Variants in CNTN1 observed in about 807,000 individuals in gnomAD.
The protein encoded by CNTN1 is contactin 1.
CNTN1 carries 38 observed loss-of-function variants against 126.4 expected under a neutral mutation model. That is an observed-to-expected ratio of 0.30 (90% CI 0.23 to 0.39). CNTN1 has a LOEUF of 0.39. Ranked by LOEUF, CNTN1 falls within the 10% of genes least tolerant of loss-of-function variation. The pLI is 1.00. For missense variants in CNTN1, 1,009 were observed against 1,248.4 expected (o/e 0.81, Z 2.89); for synonymous variants, 413 against 422.6 (o/e 0.98, Z 0.28).
At chr12:40,985,979 G>T (rs1232614147) in intron 16 of CNTN1, among the ~76,000 whole-genome samples, 4 of 151,990 alleles carry the variant, frequency 2.6e-5, no homozygotes, top group African/African-American at 9.7e-5. Context: ...GTTGGATTCG[G>T]TCTGTGAATA....
chr12:40,865,407 G>T (rs74076690), intron 1 of CNTN1, among the ~76,000 whole-genome samples: 9 of 151,968 alleles, frequency 5.9e-5, no homozygotes, highest in Admixed American at 3.3e-4. Flanking sequence ...TCCTATGTAA[G>T]AAATTTTGGC....
intron 1 of CNTN1, among the ~76,000 whole-genome samples, chr12:40,725,401 C>CAAAAAA (rs34242859): frequency 4.4e-5 from 2 of 45,324 alleles, no homozygotes; most frequent in African/African-American, 9.1e-5. Context: ...AACTCTGTCT[C>CAAAAAA]AAAAAAAAAA....
At chr12:40,883,444 T>C (rs747187982) in intron 1 of CNTN1, among the ~76,000 whole-genome samples, 53 of 151,596 alleles carry the variant, frequency 3.5e-4, no homozygotes, top group Non-Finnish European at 7.1e-4. Flanking sequence ...ACAAGAAAAT[T>C]CTAGTGATTT....
rs552022934 is a variant in CNTN1 at position 40,780,222 on chromosome 12, G to T, written c.-77+87630G>T. 3.9e-5 allele frequency among the ~76,000 whole-genome samples: 6 copies of T among 152,028 alleles called. No individual in the cohort carries two copies. In the East Asian group the frequency reaches 9.7e-4, roughly 25 times the overall value. On this transcript the variant is annotated intron_variant, in intron 1 of 23. Coordinates refer to ENST00000551295, the MANE Select transcript of CNTN1 (RefSeq NM_001843.4). Reference sequence around the variant, plus strand: ...AGAAGTTGCTACAATTGTACAGGATGATCATGGGAAGCTATGTATCTCAGT... The same window carrying T: ...AGAAGTTGCTACAATTGTACAGGATTATCATGGGAAGCTATGTATCTCAGT...
intron 1 of CNTN1, among the ~76,000 whole-genome samples, chr12:40,852,280 A>T (rs928828382): frequency 3.3e-5 from 5 of 152,196 alleles, no homozygotes; most frequent in African/African-American, 1.2e-4. Flanking sequence ...ATAGTTACTC[A>T]GCCATACTTA....
chr12:40,882,262 T>C (rs1943893710), intron 1 of CNTN1, among the ~76,000 whole-genome samples: 1 of 151,802 alleles, frequency 6.6e-6, no homozygotes, highest in Non-Finnish European at 1.5e-5. Context: ...ACAAGCATTT[T>C]GGAATACTTT....
At chr12:40,735,046 GTTGGATAACTA>G (rs1041755697) in intron 1 of CNTN1, among the ~76,000 whole-genome samples, 2 of 152,102 alleles carry the variant, frequency 1.3e-5, no homozygotes, top group African/African-American at 4.8e-5. Flanking sequence ...GCAAAGAAGG[GTTGGATAACTA>G]TTGTGGGTTG....
chr12:41,003,869 AT>A (rs1948425419), intron 17 of CNTN1, among the ~76,000 whole-genome samples: 1 of 151,526 alleles, frequency 6.6e-6, no homozygotes, highest in Non-Finnish European at 1.5e-5. Flanking sequence ...TTAGCAGTCT[AT>A]TTTATTTTTT....
intron 14 of CNTN1, among the ~76,000 whole-genome samples, chr12:40,945,237 T>C (rs891583311): frequency 2.2e-4 from 33 of 152,202 alleles, no homozygotes; most frequent in African/African-American, 7.5e-4. Context: ...TTATATACCA[T>C]GTAATATATT....
chr12:40,733,272 A>T (rs1005537323), intron 1 of CNTN1, among the ~76,000 whole-genome samples: 1 of 151,678 alleles, frequency 6.6e-6, no homozygotes, highest in Non-Finnish European at 1.5e-5. Flanking sequence ...ATAAGGCTAT[A>T]TTTTTTTTGC....
chr12:40,866,355 GA>G (rs2136657545), intron 1 of CNTN1, among the ~76,000 whole-genome samples: 1 of 152,174 alleles, frequency 6.6e-6, no homozygotes, highest in South Asian at 2.1e-4. Context: ...ATGTTCAGTA[GA>G]AGTGGTGAAA....
chr12:40,995,062 T>A (rs1410836467), intron 17 of CNTN1, among the ~76,000 whole-genome samples: 1 of 152,124 alleles, frequency 6.6e-6, no homozygotes, highest in Non-Finnish European at 1.5e-5. Flanking sequence ...GAGGATTAAA[T>A]GAAATGGATG....
chr12:41,023,619 A>G (rs1948974448), intron 20 of CNTN1, among the ~76,000 whole-genome samples: 3 of 152,242 alleles, frequency 2.0e-5, no homozygotes, highest in Admixed American at 6.5e-5. Flanking sequence ...AGGAATAATG[A>G]ATGCAAAAAC....
At chr12:41,056,011 G>A (rs1007980466) in intron 23 of CNTN1, among the ~76,000 whole-genome samples, 3 of 152,026 alleles carry the variant, frequency 2.0e-5, no homozygotes, top group Non-Finnish European at 4.4e-5. Context: ...GGATTAAGTG[G>A]TACCCTAAAT....
chr12:40,831,269 T>G (rs1425016402), intron 1 of CNTN1, among the ~76,000 whole-genome samples: 1 of 151,196 alleles, frequency 6.6e-6, no homozygotes, highest in Non-Finnish European at 1.5e-5. Flanking sequence ...TACTTATGGA[T>G]GATTAGGAGG....
At chr12:40,708,166 G>A (rs536837696) in intron 1 of CNTN1, among the ~76,000 whole-genome samples, 1 of 152,214 alleles carries the variant, frequency 6.6e-6, no homozygotes, top group African/African-American at 2.4e-5. Context: ...GTACCACTAA[G>A]ACTCTCTATT....
rs368202629 is a variant in CNTN1, at chr12:40,871,414, A to C, written c.-76-36943A>C. ...GATCATTCTAAGCAATTTTATAGAG[A>C]GTAGACTACAGGGAGGTCAGTTGGG... On this transcript the variant is annotated intron_variant, in intron 1 of 23. Coordinates refer to ENST00000551295, the MANE Select transcript of CNTN1 (RefSeq NM_001843.4). 1.9e-4 allele frequency among the ~76,000 whole-genome samples: 29 copies of C among 152,210 alleles called. No homozygotes were observed. The East Asian group carries it at 5.6e-3, about 29-fold the overall frequency.
chr12:41,015,775 A>C (rs1345492199), intron 18 of CNTN1, among the ~76,000 whole-genome samples: 1 of 152,114 alleles, frequency 6.6e-6, no homozygotes, highest in Admixed American at 6.5e-5. Flanking sequence ...TTGCCAAAAA[A>C]GGCTAACTGA....
intron 17 of CNTN1, among the ~76,000 whole-genome samples, chr12:40,996,608 T>C (rs1948223948): frequency 6.6e-6 from 1 of 152,226 alleles, no homozygotes; most frequent in Non-Finnish European, 1.5e-5. Context: ...CAAGAAAATA[T>C]GGTCTCCTGT....
Sources: allele counts gnomAD v4.1 joint callset (sites outside exome capture counted in the v4.1 genomes callset), GRCh38; gene constraint gnomAD v4.1.1; transcripts MANE v1.5; gene names NCBI Gene and HGNC (gene_info 2026-07-23, HGNC 2026-07-21).